Variants in C10orf90 observed in about 807,000 individuals in gnomAD.
C10orf90 encodes chromosome 10 open reading frame 90, also known as (E2-independent) E3 ubiquitin-conjugating enzyme FATS.
A neutral mutation model predicts 62.5 loss-of-function variants in C10orf90; 56 were observed. The observed-to-expected ratio is 0.90, with a 90% CI of 0.72 to 1.12. C10orf90 has a LOEUF of 1.12. Among genes scored for constraint, C10orf90 ranks in the 50% most tolerant of loss-of-function variants. C10orf90 has a pLI of 0.00. For missense variants in C10orf90, 970 were observed against 880.4 expected (o/e 1.10, Z -1.29); for synonymous variants, 386 against 340.4 (o/e 1.13, Z -1.47).
At chr10:126,650,836 GCT>G (rs1846278213) in intron 1 of C10orf90, among the ~76,000 whole-genome samples, 1 of 152,094 alleles carries the variant, frequency 6.6e-6, no homozygotes, top group South Asian at 2.1e-4. Flanking sequence ...GAAAACGGTG[GCT>G]CTGTCACCTA....
At chr10:126,475,097 C>G (rs188509349) in intron 4 of C10orf90, among the ~76,000 whole-genome samples, 3 of 152,318 alleles carry the variant, frequency 2.0e-5, no homozygotes, top group Non-Finnish European at 4.4e-5. Context: ...CAGTCCAAAT[C>G]ACCAAACAAA....
chr10:126,434,873 A>T (rs917832761), intron 7 of C10orf90, among the ~76,000 whole-genome samples: 3 of 152,158 alleles, frequency 2.0e-5, no homozygotes, highest in Non-Finnish European at 2.9e-5. Context: ...AATTTTCTTG[A>T]TGTAGGCAAT....
At chr10:126,598,472 A>G (rs530253041) in intron 2 of C10orf90, among the ~76,000 whole-genome samples, 3 of 152,296 alleles carry the variant, frequency 2.0e-5, no homozygotes, top group Admixed American at 2.0e-4. Flanking sequence ...CAGAAGGTAG[A>G]TGTCTGGAAC....
At chr10:126,535,884 C>G (rs986872473) in intron 2 of C10orf90, among the ~76,000 whole-genome samples, 2 of 152,126 alleles carry the variant, frequency 1.3e-5, no homozygotes, top group East Asian at 3.9e-4. Flanking sequence ...CACTGGAATC[C>G]CTGCTCAGGG....
intron 2 of C10orf90, among the ~76,000 whole-genome samples, chr10:126,619,285 G>C (rs1845600468): frequency 6.6e-6 from 1 of 152,130 alleles, no homozygotes; most frequent in Non-Finnish European, 1.5e-5. Flanking sequence ...AGGACACATA[G>C]GCACGTATTC....
At chr10:126,440,037 C>G (rs1454532290) in intron 7 of C10orf90, among the ~76,000 whole-genome samples, 1 of 152,144 alleles carries the variant, frequency 6.6e-6, no homozygotes, top group Non-Finnish European at 1.5e-5. Context: ...CAATTTGAAC[C>G]AGTTAAGAAG....
intron 2 of C10orf90, among the ~76,000 whole-genome samples, chr10:126,563,249 G>C (rs571754550): frequency 6.6e-6 from 1 of 152,134 alleles, no homozygotes; most frequent in African/African-American, 2.4e-5. Context: ...GGGGCCACTC[G>C]TCCACCGCAC....
Position 126,461,536 on chromosome 10 carries a change from C to T in C10orf90, c.1875G>A (p.Lys625=). 6.2e-7 allele frequency: 1 copy of T among 1,613,916 alleles called. No homozygotes were observed. Among genetic ancestry groups the T allele is most frequent in the East Asian group, 2.2e-5 (1 of 44,866 alleles). The change falls in exon 6 of 10, where the codon AAG becomes AAA. Residue 625 remains lysine (K), a synonymous_variant. Coordinates refer to ENST00000488181, the MANE Select transcript of C10orf90 (RefSeq NM_001350921.2). ...DLVVKIKECK[K]SEDPTTPEPS... ...GCTCAGGTGTGGTGGGGTCCTCACT[C>T]TTCTTACATTCCTTTATTTTTACAA...
chr10:126,481,836 G>C (rs1861177575), intron 4 of C10orf90, among the ~76,000 whole-genome samples: 1 of 152,096 alleles, frequency 6.6e-6, no homozygotes, highest in Non-Finnish European at 1.5e-5. Flanking sequence ...AGAATGCCTT[G>C]TCCCAAAGAC....
intron 3 of C10orf90, among the ~76,000 whole-genome samples, chr10:126,509,213 G>T (rs1462142458): frequency 6.6e-6 from 1 of 152,200 alleles, no homozygotes; most frequent in Non-Finnish European, 1.5e-5. Context: ...TATTTCTGAA[G>T]CCCTGGAATC....
intron 2 of C10orf90, among the ~76,000 whole-genome samples, chr10:126,546,071 A>G (rs1389202408): frequency 6.6e-6 from 1 of 152,170 alleles, no homozygotes; most frequent in African/African-American, 2.4e-5. Context: ...CTACAGGAAC[A>G]AGCAACCTGA....
intron 4 of C10orf90, among the ~76,000 whole-genome samples, chr10:126,477,930 C>T (rs1264228245): frequency 2.0e-5 from 3 of 152,190 alleles, no homozygotes; most frequent in Non-Finnish European, 4.4e-5. Flanking sequence ...GATAGGTCAT[C>T]AGCTGCTCAG....
Position 126,570,833 on chromosome 10 carries a change from A to G in C10orf90, c.314-56894T>C, listed in dbSNP as rs547296787. 8.5e-5 allele frequency among the ~76,000 whole-genome samples: 13 copies of G among 152,212 alleles called. No individual in the cohort carries two copies. The East Asian group carries it at 2.3e-3, about 27-fold the overall frequency. ...AGCTATGCTCTTTCTCACACTTCCAATCCAGTCTTTCAAAATAATATGATC... is the reference window on the plus strand; with the variant it reads ...AGCTATGCTCTTTCTCACACTTCCAGTCCAGTCTTTCAAAATAATATGATC... On this transcript the variant is annotated intron_variant, in intron 2 of 9. Coordinates refer to ENST00000488181, the MANE Select transcript of C10orf90 (RefSeq NM_001350921.2).
chr10:126,670,306 T>A lies in C10orf90; in HGVS notation c.175A>T (p.Lys59Ter), dbSNP rs1366130748. 2.2e-6 allele frequency: 1 copy of A among 456,600 alleles called. No homozygotes were observed. Among genetic ancestry groups the A allele is most frequent in the Non-Finnish European group, 4.4e-6 (1 of 226,972 alleles). 28.3% of individuals were successfully genotyped at this position (456,600 alleles called of 1,614,324 possible). A position where few individuals can be genotyped will look rare whatever the true frequency, so the allele number is the denominator to read the frequency against. ...TGACACATATGGATGATACAAACTT[T>A]GGCTCTTCTCTGGGAGGGAAACCAG... ...SNWFPSQRRA[K>*]VCIIHMCQGL... The change falls in exon 1 of 10, where the codon AAA becomes TAA. Residue 59 changes from lysine to a stop codon, truncating the protein, a stop_gained. Coordinates refer to ENST00000488181, the MANE Select transcript of C10orf90 (RefSeq NM_001350921.2). LOFTEE classifies it high-confidence loss of function.
At chr10:126,540,413 C>T (rs989297195) in intron 2 of C10orf90, among the ~76,000 whole-genome samples, 5 of 152,162 alleles carry the variant, frequency 3.3e-5, no homozygotes, top group African/African-American at 1.2e-4. Flanking sequence ...AATCCCAACA[C>T]TTTGAGAGGC....
chr10:126,435,948 C>T (rs1205938646), intron 7 of C10orf90, among the ~76,000 whole-genome samples: 2 of 152,080 alleles, frequency 1.3e-5, no homozygotes, highest in South Asian at 2.1e-4. Flanking sequence ...CAAAAGAGAC[C>T]CAGTGCTTAA....
At chr10:126,520,622 C>T (rs765963259) in intron 2 of C10orf90, 85 of 152,274 alleles carry the variant, frequency 5.6e-4, no homozygotes, top group Non-Finnish European at 1.0e-3. Flanking sequence ...CGTTCGTTCC[C>T]AGCGCTGCTG....
chr10:126,503,873 GT>G (rs1305059951), intron 4 of C10orf90, 83 bp downstream of exon 4: 4 of 1,491,122 alleles, frequency 2.7e-6, no homozygotes, highest in Admixed American at 2.2e-5. Flanking sequence ...CTTAGAATAA[GT>G]TTTGTATAAG....
At chr10:126,432,784 G>A (rs1857665538) in intron 7 of C10orf90, among the ~76,000 whole-genome samples, 1 of 152,220 alleles carries the variant, frequency 6.6e-6, no homozygotes, top group African/African-American at 2.4e-5. Context: ...AGATTCCTGT[G>A]TGTTGGCATT....
Sources: gnomAD v4.1 joint callset for allele counts (sites outside exome capture counted in the v4.1 genomes callset) on GRCh38, gnomAD v4.1.1 for gene constraint, MANE v1.5 for transcripts, NCBI Gene and HGNC (gene_info 2026-07-23, HGNC 2026-07-21) for gene names.